Variants in USP15 observed in about 807,000 individuals in gnomAD.
USP15 encodes ubiquitin specific peptidase 15.
A neutral mutation model predicts 127.1 loss-of-function variants in USP15; 18 were observed. The ratio of observed to expected loss-of-function variants is 0.14; its 90% CI spans 0.10 to 0.21. The LOEUF is 0.21. Among genes scored for constraint, USP15 ranks in the 10% least tolerant of loss-of-function variants. The pLI is 1.00. For synonymous variants in USP15, 364 were observed against 393.7 expected (o/e 0.92, Z 0.89); for missense variants, 805 against 1,159.9 (o/e 0.69, Z 4.44).
At chr12:62,346,095 G>A (rs776624464) in intron 6 of USP15, among the ~76,000 whole-genome samples, 1 of 152,172 alleles carries the variant, frequency 6.6e-6, no homozygotes, top group Non-Finnish European at 1.5e-5. Context: ...TGAAAACAAT[G>A]ACTGGTTCCA....
At chr12:62,383,810 ACTG>A in intron 9 of USP15, 27 bp from the exon 10 acceptor site, 5 of 1,603,940 alleles carry the variant, frequency 3.1e-6, no homozygotes, top group Non-Finnish European at 4.3e-6. Context: ...TGTTCCTAGA[ACTG>A]ATTTGATGGT....
intron 1 of USP15, among the ~76,000 whole-genome samples, chr12:62,277,020 TTC>T (rs768669086): frequency 5.6e-4 from 85 of 152,292 alleles, no homozygotes; most frequent in Non-Finnish European, 5.4e-4. Flanking sequence ...CTCAATATTA[TTC>T]TTAGTCTATT....
chr12:62,266,463 A>G (rs2063194881), intron 1 of USP15, among the ~76,000 whole-genome samples: 1 of 152,220 alleles, frequency 6.6e-6, no homozygotes, highest in African/African-American at 2.4e-5. Context: ...TTTGAAGTGA[A>G]AGAACATTTA....
intron 6 of USP15, among the ~76,000 whole-genome samples, chr12:62,342,808 C>T (rs2065688181): frequency 6.6e-6 from 1 of 152,100 alleles, no homozygotes; most frequent in South Asian, 2.1e-4. Flanking sequence ...TGATGCCAGC[C>T]GGAGCTCTCC....
At chr12:62,298,424 T>C (rs1408393695) in intron 2 of USP15, among the ~76,000 whole-genome samples, 5 of 152,086 alleles carry the variant, frequency 3.3e-5, no homozygotes, top group African/African-American at 9.7e-5. Context: ...CCCAGCACTT[T>C]GGGAGGCCGA....
intron 8 of USP15, among the ~76,000 whole-genome samples, chr12:62,363,871 G>C (rs992772334): frequency 1.3e-5 from 2 of 152,166 alleles, no homozygotes; most frequent in East Asian, 3.8e-4. Flanking sequence ...CATAATGATA[G>C]ATGTAACCAT....
At chr12:62,288,300 G>A (rs915620354) in intron 1 of USP15, among the ~76,000 whole-genome samples, 2 of 148,594 alleles carry the variant, frequency 1.3e-5, no homozygotes, top group Non-Finnish European at 3.0e-5. Flanking sequence ...TTTCCTTATA[G>A]AGGTCTTTCA....
intron 1 of USP15, among the ~76,000 whole-genome samples, chr12:62,281,259 A>G (rs1180620663): frequency 6.6e-6 from 1 of 152,078 alleles, no homozygotes; most frequent in African/African-American, 2.4e-5. Context: ...TTTCTTGTCT[A>G]CGTCTTCTAA....
At chr12:62,351,253 G>A (rs1000063139) in intron 7 of USP15, among the ~76,000 whole-genome samples, 1 of 151,396 alleles carries the variant, frequency 6.6e-6, no homozygotes, top group South Asian at 2.1e-4. Flanking sequence ...TTACACTGCA[G>A]TATCTTCTCT....
intron 1 of USP15, among the ~76,000 whole-genome samples, chr12:62,267,597 C>G (rs1010725958): frequency 2.6e-5 from 4 of 151,976 alleles, no homozygotes; most frequent in African/African-American, 9.7e-5. Flanking sequence ...GCTAACTGTC[C>G]CTTCCATTCT....
chr12:62,340,028 G>A (rs2065599766), intron 6 of USP15, among the ~76,000 whole-genome samples: 1 of 152,146 alleles, frequency 6.6e-6, no homozygotes, highest in Non-Finnish European at 1.5e-5. Flanking sequence ...GCCTTTTGTG[G>A]TTGGTAGGCT....
intron 6 of USP15, among the ~76,000 whole-genome samples, chr12:62,327,503 C>T (rs931601274): frequency 2.0e-5 from 3 of 151,840 alleles, no homozygotes; most frequent in African/African-American, 7.3e-5. Context: ...TATGTACTTG[C>T]TATATCTTTA....
chr12:62,342,709 GC>G (rs1439750857), intron 6 of USP15, among the ~76,000 whole-genome samples: 1 of 152,106 alleles, frequency 6.6e-6, no homozygotes, highest in East Asian at 1.9e-4. Context: ...GACCCTGTTC[GC>G]CTGGTTATCA....
intron 6 of USP15, among the ~76,000 whole-genome samples, chr12:62,330,945 A>C (rs1041866811): frequency 6.6e-6 from 1 of 151,842 alleles, no homozygotes; most frequent in African/African-American, 2.4e-5. Context: ...AAAAAAAAAA[A>C]AAAAACAGAA....
At chr12:62,329,025 G>T (rs1370205741) in intron 6 of USP15, among the ~76,000 whole-genome samples, 1 of 152,186 alleles carries the variant, frequency 6.6e-6, no homozygotes, top group African/African-American at 2.4e-5. Context: ...ACTCTTGAAG[G>T]ATTAAAGACC....
chr12:62,300,478 A>G (rs2064277116), intron 2 of USP15, among the ~76,000 whole-genome samples: 1 of 152,174 alleles, frequency 6.6e-6, no homozygotes, highest in African/African-American at 2.4e-5. Flanking sequence ...TTTAAAATAA[A>G]ATCATAGAAG....
Position 62,396,333 on chromosome 12 carries a change from C to G in USP15, c.2609C>G (p.Ala870Gly). Reference sequence around the variant, plus strand: ...TCGGAATTCTTAATTAATCCAAATGCAGGTCCTTGCCGCTATAATCTGATT... The same window carrying G: ...TCGGAATTCTTAATTAATCCAAATGGAGGTCCTTGCCGCTATAATCTGATT... The part of the protein sequence containing the change: ...DMSEFLINPN[A>G]GPCRYNLIAV... Residue 870 changes from alanine (A) to glycine (G), a missense_variant, in exon 20 of 22, where the codon GCA (alanine) becomes GGA (glycine). Transcript: ENST00000280377. The G allele has an allele frequency of 6.3e-7, 1 of 1,595,880 alleles. No homozygotes were observed. Among genetic ancestry groups the G allele is most frequent in the Non-Finnish European group, 8.5e-7 (1 of 1,174,262 alleles).
At chr12:62,323,018 A>C (rs2137288110) in intron 5 of USP15, among the ~76,000 whole-genome samples, 1 of 152,186 alleles carries the variant, frequency 6.6e-6, no homozygotes, top group Admixed American at 6.5e-5. Context: ...ATCCCATACC[A>C]TCATGTAGGC....
intron 19 of USP15, among the ~76,000 whole-genome samples, chr12:62,395,114 A>G (rs993555915): frequency 6.6e-6 from 1 of 152,154 alleles, no homozygotes; most frequent in Admixed American, 6.5e-5. Flanking sequence ...AAGGTTTGAT[A>G]TATTAATATT....
Sources: gnomAD v4.1 joint callset for allele counts (sites outside exome capture counted in the v4.1 genomes callset) on GRCh38, gnomAD v4.1.1 for gene constraint, MANE v1.5 for transcripts, NCBI Gene and HGNC (gene_info 2026-07-23, HGNC 2026-07-21) for gene names.